CSNK1G1: variants seen among roughly 807,000 people sequenced by gnomAD.
CSNK1G1 encodes the protein casein kinase 1 gamma 1, also known as casein kinase I isoform gamma-1.
In CSNK1G1, 22 loss-of-function variants were observed where a neutral mutation model predicts 59.6. That is an observed-to-expected ratio of 0.37 (90% confidence interval 0.26 to 0.53). The LOEUF is 0.53. CSNK1G1 is among the 20% of genes least tolerant of loss of function. The pLI is 0.89. For synonymous variants in CSNK1G1, 179 were observed against 177.1 expected (o/e 1.01, Z -0.08); for missense variants, 384 against 519.5 (o/e 0.74, Z 2.54).
intron 3 of CSNK1G1, among the ~76,000 whole-genome samples, chr15:64,255,311 G>C (rs189894332): frequency 6.6e-6 from 1 of 151,914 alleles, no homozygotes; most frequent in African/African-American, 2.4e-5. Context: ...TCCTGACCTC[G>C]TAATCCACCC....
chr15:64,289,557 C>T (rs1489609854), intron 2 of CSNK1G1, among the ~76,000 whole-genome samples: 1 of 151,850 alleles, frequency 6.6e-6, no homozygotes, highest in African/African-American at 2.4e-5. Context: ...AATTAAAATG[C>T]ACAACAAAAA....
intron 2 of CSNK1G1, among the ~76,000 whole-genome samples, chr15:64,267,436 T>C (rs1005346594): frequency 1.3e-5 from 2 of 152,090 alleles, no homozygotes; most frequent in Non-Finnish European, 2.9e-5. Context: ...ATCCAGACCA[T>C]ATAAGGAACT....
At chr15:64,349,145 A>G (rs1898141299) in intron 1 of CSNK1G1, among the ~76,000 whole-genome samples, 1 of 152,048 alleles carries the variant, frequency 6.6e-6, no homozygotes, top group African/African-American at 2.4e-5. Context: ...CTCAAAAAAA[A>G]AAAAAAAAAA....
Position 64,277,862 on chromosome 15 carries a change from A to G in CSNK1G1, c.182-18621T>C, listed in dbSNP as rs534791243. Among the ~76,000 whole-genome samples the G allele has an allele frequency of 2.7e-3, 386 of 140,928 alleles. 1 individual carries two copies. Among genetic ancestry groups the G allele is most frequent in the African/African-American group, 9.3e-3 (358 of 38,308 alleles). 92.5% of individuals were successfully genotyped at this position (140,928 alleles called of 152,430 possible). On this transcript the variant is annotated intron_variant, in intron 2 of 11. Transcript: ENST00000303052. ...TGATATATTTAATAATAATATTGATATATTTAATAATAATATTGATATATT... is the reference window on the plus strand; with the variant it reads ...TGATATATTTAATAATAATATTGATGTATTTAATAATAATATTGATATATT...
intron 6 of CSNK1G1, 54 bp from the exon 7 acceptor site, chr15:64,207,648 G>C (rs1472634692): frequency 7.2e-7 from 1 of 1,383,964 alleles, no homozygotes; most frequent in African/African-American, 1.4e-5. Flanking sequence ...AGCAGAAAGA[G>C]GTTCAAAACC....
chr15:64,288,354 TC>T (rs1384291984), intron 2 of CSNK1G1, among the ~76,000 whole-genome samples: 2 of 152,094 alleles, frequency 1.3e-5, no homozygotes, highest in Admixed American at 6.6e-5. Context: ...AGGGATGGCA[TC>T]TGTGAGACAA....
chr15:64,171,871 G>C lies in CSNK1G1; in HGVS notation c.*60C>G. On this transcript the variant is annotated 3_prime_UTR_variant, in exon 12 of 12. Transcript: ENST00000303052. The surrounding 1 kb of genome is among the most constrained non-coding windows in gnomAD (Gnocchi z 4.8). ...AGTCCCTTCCAATGAGAAATGGCAG[G>C]AGCTGCAGGTACAATTGAGTCAGAG... 1 of 1,359,116 alleles carries C rather than the reference G, an allele frequency of 7.4e-7. No individual in the cohort carries two copies. The highest frequency in any genetic ancestry group is 1.7e-5 in the Admixed American group (1 of 59,644). The allele number at this position is 1,359,116 out of a possible 1,614,324, so 84.2% of individuals were successfully genotyped here.
intron 2 of CSNK1G1, among the ~76,000 whole-genome samples, chr15:64,277,918 A>ATTG (rs1893824430): frequency 2.8e-5 from 4 of 143,702 alleles, no homozygotes; most frequent in Admixed American, 2.1e-4. Context: ...ATTTAATAAT[A>ATTG]ATATTGATAT....
chr15:64,276,029 T>G (rs746971199), intron 2 of CSNK1G1, among the ~76,000 whole-genome samples: 1 of 152,232 alleles, frequency 6.6e-6, no homozygotes. Flanking sequence ...CTGATTAATC[T>G]GTTAGTAAGA....
At chr15:64,283,941 T>A (rs1894275665) in intron 2 of CSNK1G1, among the ~76,000 whole-genome samples, 1 of 152,226 alleles carries the variant, frequency 6.6e-6, no homozygotes, top group Non-Finnish European at 1.5e-5. Flanking sequence ...TCCTTATGTT[T>A]GTTTTTTTTA....
rs8030280 is a variant in CSNK1G1 at position 64,200,598 on chromosome 15, G to A, written c.1107+2484C>T. ...TGACCTCAGGTGATCGACCCGCCTC[G>A]GCCTCCCAAAGTGCTGGGATTACAG... is the stretch of plus-strand genomic sequence containing the variant. On this transcript the variant is annotated intron_variant, in intron 10 of 11. Transcript: ENST00000303052. This position sits in a 1 kb window ranked among gnomAD's most constrained non-coding sequence, Gnocchi z 4.3. Among the ~76,000 whole-genome samples, 1,274 of 152,252 alleles carry A rather than the reference G, an allele frequency of 8.4e-3. 17 individuals are homozygous for A. The highest frequency in any genetic ancestry group is 0.029 in the African/African-American group (1,212 of 41,554).
intron 1 of CSNK1G1, among the ~76,000 whole-genome samples, chr15:64,311,711 G>C (rs1896008190): frequency 6.8e-6 from 1 of 146,628 alleles, no homozygotes; most frequent in African/African-American, 2.5e-5. Flanking sequence ...CACGGGGTTT[G>C]GTAGCTCACA....
At chr15:64,203,885 G>A (rs963515847) in intron 9 of CSNK1G1, among the ~76,000 whole-genome samples, 8 of 152,016 alleles carry the variant, frequency 5.3e-5, no homozygotes, top group Non-Finnish European at 1.0e-4. Context: ...GCTCACGCCT[G>A]TAATCCCAGC....
chr15:64,258,190 G>A (rs371380507), intron 3 of CSNK1G1, among the ~76,000 whole-genome samples: 2 of 152,036 alleles, frequency 1.3e-5, no homozygotes, highest in African/African-American at 4.8e-5. Context: ...GCCGAGCTGG[G>A]CAACATGATG....
chr15:64,352,447 C>CTTCTTTTT (rs1566958699), intron 1 of CSNK1G1, among the ~76,000 whole-genome samples: 13 of 89,426 alleles, frequency 1.5e-4, no homozygotes, highest in South Asian at 8.2e-4. Context: ...TTGAATTCTT[C>CTTCTTTTT]TTTTTTTTTT....
intron 4 of CSNK1G1, among the ~76,000 whole-genome samples, chr15:64,237,209 C>T (rs1380303101): frequency 1.3e-5 from 2 of 152,084 alleles, no homozygotes; most frequent in Non-Finnish European, 2.9e-5. Context: ...ACCCTACAAA[C>T]CCTGACTTGA....
At chr15:64,352,030 G>C (rs1898322074) in intron 1 of CSNK1G1, among the ~76,000 whole-genome samples, 1 of 152,002 alleles carries the variant, frequency 6.6e-6, no homozygotes, top group Admixed American at 6.6e-5. Flanking sequence ...CAGCAGGCCG[G>C]GCAGGGCAGT....
At chr15:64,261,199 A>G (rs563105068) in intron 2 of CSNK1G1, among the ~76,000 whole-genome samples, 54 of 152,352 alleles carry the variant, frequency 3.5e-4, no homozygotes, top group African/African-American at 1.3e-3. Context: ...AGGCCGATTA[A>G]AACTTTAATT....
At position 64,297,638 on chromosome 15, in the gene CSNK1G1, C is replaced by T. The variant is rs527914929; in HGVS notation, c.181+2681G>A. Among the ~76,000 whole-genome samples, 4 of 151,628 alleles carry T rather than the reference C, an allele frequency of 2.6e-5. No homozygotes were observed. In the South Asian group the frequency reaches 6.3e-4, roughly 24 times the overall value. On this transcript the variant is annotated intron_variant, in intron 2 of 11. Coordinates refer to ENST00000303052, the MANE Select transcript of CSNK1G1 (RefSeq NM_022048.5). ...GCTTGAGCCTGGGAGTTGGAGGCTG[C>T]GTGAGCTATGATCATGCCACTGCAC...
Sources: gnomAD v4.1 joint callset for allele counts (sites outside exome capture counted in the v4.1 genomes callset) on GRCh38, gnomAD v4.1.1 for gene constraint, Gnocchi (gnomAD v3.1) non-coding constraint, MANE v1.5 for transcripts, NCBI Gene and HGNC (gene_info 2026-07-23, HGNC 2026-07-21) for gene names.